Variants in ANKRD24 observed in about 807,000 individuals in gnomAD.
ANKRD24 encodes the protein ankyrin repeat domain 24.
ANKRD24 carries 109 observed loss-of-function variants against 127.8 expected under a neutral mutation model. The ratio of observed to expected loss-of-function variants is 0.85; its 90% CI spans 0.73 to 1.00. The LOEUF (loss-of-function observed/expected upper bound fraction) is 1.00, where lower values mean the gene tolerates loss of function less well. Among genes scored for constraint, ANKRD24 ranks in the 50% least tolerant of loss-of-function variants. The probability of loss-of-function intolerance (pLI) is 0.00; values close to 1 mark genes in which losing one functional copy is unlikely to be tolerated. For synonymous variants in ANKRD24, 743 were observed against 671.1 expected (o/e 1.11, Z -1.66); for missense variants, 1,648 against 1,570.2 (o/e 1.05, Z -0.84).
At position 4,199,047 on chromosome 19, in the gene ANKRD24, C is replaced by G. The variant is rs984653273; in HGVS notation, c.37-636C>G. ...CAGGCTATAGTGTTGAGGGGAGAAG[C>G]CTCGGGATGTTTAGGGGACAGTGGT... On this transcript the variant is annotated intron_variant, in intron 2 of 21. Transcript: ENST00000318934. The surrounding 1 kb of genome is among the most constrained non-coding windows in gnomAD (Gnocchi z 5.2). 1.3e-5 allele frequency among the ~76,000 whole-genome samples: 2 copies of G among 151,932 alleles called. No homozygotes were observed. Among genetic ancestry groups the G allele is most frequent in the Non-Finnish European group, 2.9e-5 (2 of 67,980 alleles).
chr19:4,210,524 A>G (rs1969662755), intron 13 of ANKRD24, among the ~76,000 whole-genome samples, 152 bp downstream of exon 13: 1 of 151,118 alleles, frequency 6.6e-6, no homozygotes, highest in Admixed American at 6.6e-5. Flanking sequence ...TGTTCCTCCA[A>G]CTCGCCAGGC....
At position 4,217,096 on chromosome 19, in the gene ANKRD24, A is replaced by G. The variant is rs1279147450; in HGVS notation, c.1936A>G (p.Lys646Glu). ...CATGGGGGTGGAGGCCACAAAAACA[A>G]AAGCAGAGGAAGCAGAAATGCAGGC... ...EAMGVEATKT[K>E]AEEAEMQAYG... Residue 646 changes from lysine to glutamate, a missense_variant, in exon 18 of 22, where the codon AAA becomes GAA. By Grantham distance (56) the Lys-to-Glu change is moderately conservative. Coordinates refer to ENST00000318934, the MANE Select transcript of ANKRD24 (RefSeq NM_001393985.1). 3 of 1,613,598 alleles carry G rather than the reference A, an allele frequency of 1.9e-6. No homozygotes were observed. The highest frequency in any genetic ancestry group is 3.3e-5 in the Admixed American group (2 of 59,962).
At chr19:4,215,896 C>A in intron 15 of ANKRD24, 82 bp from the exon 16 acceptor site, 1 of 1,134,392 alleles carries the variant, frequency 8.8e-7, no homozygotes, top group South Asian at 1.4e-5. Flanking sequence ...ATGTGAACAG[C>A]CCAGTCCCCA....
At chr19:4,196,334 G>A (rs368382981) in intron 2 of ANKRD24, among the ~76,000 whole-genome samples, 23 of 126,996 alleles carry the variant, frequency 1.8e-4, no homozygotes, top group Admixed American at 8.5e-4. Flanking sequence ...GGAAGACCTC[G>A]GTTTTGTTGT....
intron 19 of ANKRD24, among the ~76,000 whole-genome samples, chr19:4,220,662 C>A (rs993977426): frequency 5.3e-5 from 8 of 151,396 alleles, no homozygotes; most frequent in Non-Finnish European, 8.8e-5. Context: ...TCACGCCATT[C>A]TCCTGCCTCA....
intron 2 of ANKRD24, among the ~76,000 whole-genome samples, chr19:4,196,437 G>A (rs1023672415): frequency 1.4e-4 from 22 of 152,058 alleles, no homozygotes; most frequent in African/African-American, 3.6e-4. Flanking sequence ...GTGCAGTGAC[G>A]CGATCTCGGC....
intron 8 of ANKRD24, 45 bp downstream of exon 8, chr19:4,207,357 A>G (rs1969449979): frequency 1.2e-6 from 2 of 1,601,928 alleles, no homozygotes; most frequent in African/African-American, 1.3e-5. Flanking sequence ...TGCTTGAGGT[A>G]TGCTGCCACC....
chr19:4,199,721 C>T lies in ANKRD24; in HGVS notation c.75C>T (p.Pro25=), dbSNP rs1420658455. 1 of 1,538,414 alleles carries T rather than the reference C, an allele frequency of 6.5e-7. No individual in the cohort carries two copies. Among genetic ancestry groups the T allele is most frequent in the Non-Finnish European group, 8.7e-7 (1 of 1,144,974 alleles). The change falls in exon 3 of 22, where the codon CCC becomes CCT. Residue 25 remains proline, a synonymous_variant. Coordinates refer to ENST00000318934, the MANE Select transcript of ANKRD24 (RefSeq NM_001393985.1). This position sits in a 1 kb window ranked among gnomAD's most constrained non-coding sequence, Gnocchi z 5.2. The stretch of plus-strand genomic sequence containing the variant: ...CCACTGACCTTGGCTCCTGCCCGCC[C>T]TGCGGCCCCTGCCCCATCCCGAAGC... ...LSPTDLGSCP[P]CGPCPIPKPA...
chr19:4,207,764 G>T lies in ANKRD24; in HGVS notation c.645-17G>T. 1 of 1,565,162 alleles carries T rather than the reference G, an allele frequency of 6.4e-7. No homozygotes were observed. The highest frequency in any genetic ancestry group is 8.7e-7 in the Non-Finnish European group (1 of 1,153,786). ...GGGGGATGTTCTCATCTCCTCAGTA[G>T]CCCCCTCCCCTGGTAGGACGGCCCT... On this transcript the variant is annotated splice_polypyrimidine_tract_variant and intron_variant, in intron 9 of 21. Transcript: ENST00000318934.
intron 10 of ANKRD24, 107 bp from the exon 11 acceptor site, chr19:4,208,657 C>A (rs1969527684): frequency 9.0e-7 from 1 of 1,112,328 alleles, no homozygotes; most frequent in Middle Eastern, 2.1e-4. Flanking sequence ...CCTTAAACGC[C>A]CTGATTCTTG....
At chr19:4,206,466 T>A (rs965444675) in intron 7 of ANKRD24, among the ~76,000 whole-genome samples, 1 of 151,244 alleles carries the variant, frequency 6.6e-6, no homozygotes, top group Non-Finnish European at 1.5e-5. Context: ...AATAAAATAA[T>A]ATAATATAAA....
At chr19:4,189,999 C>T (rs1310247195) in intron 2 of ANKRD24, among the ~76,000 whole-genome samples, 1 of 152,108 alleles carries the variant, frequency 6.6e-6, no homozygotes, top group Admixed American at 6.5e-5. Flanking sequence ...GAAAAACGGT[C>T]CATTAACTGC....
intron 10 of ANKRD24, among the ~76,000 whole-genome samples, chr19:4,208,377 A>G (rs1432147879): frequency 2.0e-5 from 3 of 152,058 alleles, no homozygotes; most frequent in Admixed American, 6.6e-5. Context: ...GGTTCAAGCA[A>G]TTCTCCTGCC....
intron 18 of ANKRD24, among the ~76,000 whole-genome samples, chr19:4,218,459 C>G (rs1219189854): frequency 1.3e-5 from 2 of 151,814 alleles, no homozygotes; most frequent in Non-Finnish European, 2.9e-5. Flanking sequence ...GCCCCCACGC[C>G]CAGCTAACTT....
chr19:4,223,023 G>A (rs1970525834), intron 20 of ANKRD24, among the ~76,000 whole-genome samples: 1 of 152,092 alleles, frequency 6.6e-6, no homozygotes, highest in East Asian at 1.9e-4. Context: ...TCAGCTCACT[G>A]CAGCCTCCAC....
Position 4,223,388 on chromosome 19 carries a change from TATATATATA to T in ANKRD24, c.3297+594_3297+602del, listed in dbSNP as rs1970553725. Among the ~76,000 whole-genome samples, 13 of 86,308 alleles carry T rather than the reference TATATATATA, an allele frequency of 1.5e-4. 1 individual carries two copies. The highest frequency in any genetic ancestry group is 7.5e-4 in the African/African-American group (13 of 17,442). The allele number at this position is 86,308 out of a possible 152,430, so 56.6% of individuals were successfully genotyped here. ...CTGGCCATACATATATATATATATA[TATATATATA>T]TATATTTTTTTTTTTTTTTTTTTGA... On this transcript the variant is annotated intron_variant, in intron 20 of 21. Transcript: ENST00000318934.
intron 5 of ANKRD24, 106 bp downstream of exon 5, chr19:4,200,277 A>G: frequency 8.0e-7 from 1 of 1,243,756 alleles, no homozygotes; most frequent in Non-Finnish European, 1.1e-6. Context: ...CCCGCTGAAA[A>G]AAGGGGAGGC....
At chr19:4,210,244 C>T (rs1392087986) in intron 12 of ANKRD24, 21 bp from the exon 13 acceptor site, 1 of 1,566,848 alleles carries the variant, frequency 6.4e-7, no homozygotes, top group Non-Finnish European at 8.7e-7. Context: ...CATCTAAAGG[C>T]CGTGGTGGGG....
rs547203239 is a variant in ANKRD24, at chr19:4,222,729, C to T, written c.3231C>T (p.Ala1077=). Residue 1077 remains alanine (A), a synonymous_variant, in exon 20 of 22, where the codon GCC becomes GCT. Transcript: ENST00000318934. The part of the protein sequence containing the change: ...NLKEALKEQP[A]ALATPEVEAL... ...AGGAAGCCTTGAAGGAGCAGCCGGC[C>T]GCCCTCGCCACCCCTGAGGTGGAGG... The T allele has an allele frequency of 6.4e-5, 103 of 1,612,212 alleles. No homozygotes were observed. In the South Asian group the frequency reaches 7.8e-4, roughly 12 times the overall value.
Sources: gnomAD v4.1 joint callset for allele counts (sites outside exome capture counted in the v4.1 genomes callset) on GRCh38, gnomAD v4.1.1 for gene constraint, Gnocchi (gnomAD v3.1) non-coding constraint, MANE v1.5 for transcripts, NCBI Gene and HGNC (gene_info 2026-07-23, HGNC 2026-07-21) for gene names.